The following CSMD2 variants were observed in gnomAD, a reference collection of about 807,000 sequenced individuals.
CSMD2 encodes the protein CUB and sushi domain-containing protein 2.
In CSMD2, 130 loss-of-function variants were observed where a neutral mutation model predicts 398.5. The ratio of observed to expected loss-of-function variants is 0.33; its 90% CI spans 0.28 to 0.38. The LOEUF is 0.38. Ranked by LOEUF, CSMD2 falls within the 10% of genes least tolerant of loss-of-function variation. The pLI is 1.00. For missense variants in CSMD2, 3,829 were observed against 4,764.9 expected (o/e 0.80, Z 5.78); for synonymous variants, 1,828 against 1,908.5 (o/e 0.96, Z 1.10).
At chr1:34,053,232 T>C (rs1258436949) in intron 2 of CSMD2, among the ~76,000 whole-genome samples, 2 of 152,196 alleles carry the variant, frequency 1.3e-5, no homozygotes, top group African/African-American at 4.8e-5. Context: ...TTCAGTCTCA[T>C]ATTCATTCTC....
intron 15 of CSMD2, among the ~76,000 whole-genome samples, chr1:33,737,676 G>A (rs565232086): frequency 7.9e-5 from 12 of 152,210 alleles, no homozygotes; most frequent in East Asian, 5.8e-4. Context: ...ATTGATATGC[G>A]TCTCATTAGG....
At chr1:33,810,228 T>C (rs1031861815) in intron 10 of CSMD2, among the ~76,000 whole-genome samples, 7 of 152,098 alleles carry the variant, frequency 4.6e-5, no homozygotes, top group African/African-American at 1.7e-4. Flanking sequence ...CATGAAAAAA[T>C]GTATGTAGAA....
intron 3 of CSMD2, among the ~76,000 whole-genome samples, chr1:34,012,184 G>A (rs1198617303): frequency 6.6e-6 from 1 of 152,038 alleles, no homozygotes; most frequent in Non-Finnish European, 1.5e-5. Flanking sequence ...AGCCACCCAG[G>A]ACTCCTTGCT....
chr1:33,545,947 G>T, intron 57 of CSMD2, 90 bp downstream of exon 57: 4 of 1,301,922 alleles, frequency 3.1e-6, no homozygotes, highest in Non-Finnish European at 2.1e-6. Flanking sequence ...GTTTTTTTCT[G>T]TGAGCGCAGG....
chr1:33,731,635 A>G (rs1646723491), intron 15 of CSMD2, among the ~76,000 whole-genome samples: 1 of 152,180 alleles, frequency 6.6e-6, no homozygotes, highest in African/African-American at 2.4e-5. Context: ...CAACAACAAA[A>G]AAATCTCAAG....
intron 25 of CSMD2, among the ~76,000 whole-genome samples, chr1:33,690,521 C>T (rs1645200686): frequency 6.6e-6 from 1 of 152,212 alleles, no homozygotes; most frequent in Non-Finnish European, 1.5e-5. Context: ...GCATCTGGCA[C>T]AGGCACAACC....
chr1:33,760,938 T>C (rs2149301448), intron 13 of CSMD2, among the ~76,000 whole-genome samples: 1 of 152,200 alleles, frequency 6.6e-6, no homozygotes, highest in East Asian at 1.9e-4. Flanking sequence ...AAAGGTTTGC[T>C]CTTTGATCCT....
intron 25 of CSMD2, among the ~76,000 whole-genome samples, chr1:33,667,152 G>C (rs1276002590): frequency 2.0e-5 from 3 of 152,162 alleles, no homozygotes; most frequent in Non-Finnish European, 4.4e-5. Flanking sequence ...TTGTATTCTA[G>C]TTAGAGACTG....
chr1:33,586,405 T>G, intron 46 of CSMD2, 99 bp downstream of exon 46: 1 of 736,854 alleles, frequency 1.4e-6, no homozygotes, highest in Middle Eastern at 3.5e-4. Flanking sequence ...TATGGGGCAG[T>G]GACTGAGCTG....
At chr1:33,667,742 CAGA>C (rs1335136535) in intron 25 of CSMD2, among the ~76,000 whole-genome samples, 3 of 152,126 alleles carry the variant, frequency 2.0e-5, no homozygotes, top group African/African-American at 4.8e-5. Context: ...GAGAGGAGTG[CAGA>C]AGAAGGGAGG....
At chr1:33,784,860 A>C (rs191552233) in intron 12 of CSMD2, among the ~76,000 whole-genome samples, 1 of 152,218 alleles carries the variant, frequency 6.6e-6, no homozygotes, top group Non-Finnish European at 1.5e-5. Flanking sequence ...TCAGATTGGC[A>C]TCATTATTTC....
intron 3 of CSMD2, among the ~76,000 whole-genome samples, chr1:33,952,470 T>C (rs1237075061): frequency 1.8e-4 from 28 of 152,224 alleles, no homozygotes; most frequent in Admixed American, 1.8e-3. Context: ...AGCACTCAAC[T>C]CAAATGTCAC....
chr1:33,729,468 TTTA>T (rs1157170444), intron 15 of CSMD2, among the ~76,000 whole-genome samples: 6 of 147,472 alleles, frequency 4.1e-5, no homozygotes, highest in African/African-American at 1.6e-4. Flanking sequence ...TTTTTTTTTT[TTTA>T]ATTTTTTAAA....
chr1:34,104,283 C>T (rs1340776685), intron 1 of CSMD2, among the ~76,000 whole-genome samples: 1 of 152,156 alleles, frequency 6.6e-6, no homozygotes, highest in African/African-American at 2.4e-5. Context: ...GGTTTCTGAA[C>T]ACTTATTAAT....
chr1:33,670,760 T>C (rs772551788), intron 25 of CSMD2, among the ~76,000 whole-genome samples: 3 of 152,212 alleles, frequency 2.0e-5, no homozygotes, highest in Non-Finnish European at 4.4e-5. Context: ...TAGGTTCAGA[T>C]AGCATACTAG....
intron 1 of CSMD2, among the ~76,000 whole-genome samples, chr1:34,138,932 C>T (rs937104226): frequency 5.3e-5 from 8 of 152,042 alleles, no homozygotes; most frequent in South Asian, 2.1e-4. Flanking sequence ...TTTTATTTTT[C>T]CTTTTCATAT....
At chr1:33,856,062 T>G (rs60376466) in intron 5 of CSMD2, among the ~76,000 whole-genome samples, 4,362 of 152,268 alleles carry the variant, frequency 0.029, 230 homozygotes, top group African/African-American at 0.099. Flanking sequence ...ATCTGTGCAA[T>G]GGGATTCCTC....
In CSMD2 at chr1:33,533,734, AC is replaced by A; in HGVS notation, c.9991+61del. 2 of 1,055,526 alleles carry A rather than the reference AC, an allele frequency of 1.9e-6. No individual in the cohort carries two copies. The highest frequency in any genetic ancestry group is 3.0e-6 in the Non-Finnish European group (2 of 676,986). 65.4% of individuals were successfully genotyped at this position (1,055,526 alleles called of 1,614,324 possible). On this transcript the variant is annotated intron_variant, in intron 63 of 70. Coordinates refer to ENST00000373381, the MANE Select transcript of CSMD2 (RefSeq NM_001281956.2). The surrounding 1 kb of genome is among the most constrained non-coding windows in gnomAD (Gnocchi z 4.2). The stretch of plus-strand genomic sequence containing the variant: ...CTGTCATTCAGAGCATTCAAACATG[AC>A]CCAGATGCCCAGCTGGGGCAAGAGG...
chr1:34,156,756 TTAAC>T (rs1171364192), intron 1 of CSMD2, among the ~76,000 whole-genome samples: 3 of 152,196 alleles, frequency 2.0e-5, no homozygotes, highest in Non-Finnish European at 4.4e-5. Flanking sequence ...TCTCAGTAAT[TTAAC>T]TATACATACA....
Sources: allele counts gnomAD v4.1 joint callset (sites outside exome capture counted in the v4.1 genomes callset), GRCh38; gene constraint gnomAD v4.1.1; non-coding constraint Gnocchi (gnomAD v3.1); transcripts MANE v1.5; gene names NCBI Gene and HGNC (gene_info 2026-07-23, HGNC 2026-07-21).